The following CRK variants were observed in gnomAD, a reference collection of about 807,000 sequenced individuals.
CRK encodes the protein CRK proto-oncogene, adaptor protein.
A neutral mutation model predicts 29.8 loss-of-function variants in CRK; 4 were observed. That is an observed-to-expected ratio of 0.13 (90% CI 0.07 to 0.31). The LOEUF (loss-of-function observed/expected upper bound fraction) is 0.31, where lower values mean the gene tolerates loss of function less well. CRK is among the 10% of genes least tolerant of loss of function. CRK has a pLI of 1.00. For synonymous variants in CRK, 153 were observed against 164.9 expected (o/e 0.93, Z 0.55); for missense variants, 274 against 396.5 (o/e 0.69, Z 2.62).
At chr17:1,451,224 T>G (rs1344503831) in intron 1 of CRK, among the ~76,000 whole-genome samples, 2 of 135,010 alleles carry the variant, frequency 1.5e-5, no homozygotes, top group Non-Finnish European at 3.2e-5. Context: ...AATAACAATT[T>G]TAAAAAGCTT....
chr17:1,448,163 C>T (rs927216983), intron 1 of CRK, among the ~76,000 whole-genome samples: 2 of 151,656 alleles, frequency 1.3e-5, no homozygotes, highest in Non-Finnish European at 2.9e-5. Flanking sequence ...TATATGGTCT[C>T]CTAAGCAAAT....
chr17:1,446,043 A>G (rs571043748), intron 1 of CRK, among the ~76,000 whole-genome samples: 3 of 152,258 alleles, frequency 2.0e-5, no homozygotes, highest in African/African-American at 7.2e-5. Flanking sequence ...GATGACAGGC[A>G]TGAGCCACCG....
At chr17:1,447,213 G>A (rs2150911800) in intron 1 of CRK, among the ~76,000 whole-genome samples, 1 of 152,202 alleles carries the variant, frequency 6.6e-6, no homozygotes, top group Middle Eastern at 3.4e-3. Flanking sequence ...AGAAGGGCGG[G>A]AAAGGAAGGA....
intron 1 of CRK, among the ~76,000 whole-genome samples, chr17:1,444,198 A>C (rs1195491384): frequency 6.6e-6 from 1 of 152,038 alleles, no homozygotes; most frequent in Non-Finnish European, 1.5e-5. Context: ...CACAGACACC[A>C]TCACTGCACA....
chr17:1,440,255 C>T (rs1463400402), intron 1 of CRK, among the ~76,000 whole-genome samples: 3 of 151,062 alleles, frequency 2.0e-5, no homozygotes, highest in African/African-American at 4.9e-5. Flanking sequence ...GCCGAGATCG[C>T]GCCACTGCAC....
chr17:1,442,318 G>C (rs2073941509), intron 1 of CRK, among the ~76,000 whole-genome samples: 1 of 151,636 alleles, frequency 6.6e-6, no homozygotes, highest in Non-Finnish European at 1.5e-5. Context: ...CACCTGGCCA[G>C]TTTTTGTATT....
intron 2 of CRK, chr17:1,424,872 GGTGT>G (rs1251584287): frequency 6.6e-6 from 1 of 151,916 alleles, no homozygotes; most frequent in Admixed American, 6.6e-5. Context: ...AAATTAGCTG[GGTGT>G]GGTGGTGGCT....
At chr17:1,428,798 A>G (rs2073807385) in intron 2 of CRK, among the ~76,000 whole-genome samples, 1 of 151,576 alleles carries the variant, frequency 6.6e-6, no homozygotes, top group East Asian at 1.9e-4. Flanking sequence ...CTGGGATTAC[A>G]GGCGTGAGCC....
chr17:1,446,755 GT>G (rs1046658082), intron 1 of CRK, among the ~76,000 whole-genome samples: 1 of 150,180 alleles, frequency 6.7e-6, no homozygotes, highest in African/African-American at 2.4e-5. Context: ...CCACGCCCGG[GT>G]TTTTTTTTCT....
intron 2 of CRK, among the ~76,000 whole-genome samples, chr17:1,425,828 G>C (rs1318464313): frequency 1.3e-5 from 2 of 152,142 alleles, no homozygotes; most frequent in Non-Finnish European, 2.9e-5. Flanking sequence ...ATGGGTCATA[G>C]GATGCTGAGA....
intron 1 of CRK, among the ~76,000 whole-genome samples, chr17:1,443,655 T>A (rs991449386): frequency 1.1e-3 from 172 of 151,976 alleles, no homozygotes; most frequent in African/African-American, 3.9e-3. Flanking sequence ...CACCTCGGCC[T>A]CCTAAAGTGC....
chr17:1,449,604 A>C (rs959966336), intron 1 of CRK, among the ~76,000 whole-genome samples: 2 of 152,152 alleles, frequency 1.3e-5, no homozygotes, highest in Non-Finnish European at 2.9e-5. Flanking sequence ...CAGGATCCAC[A>C]GCTCAAGCTT....
chr17:1,427,548 A>T (rs1025642418), intron 2 of CRK, among the ~76,000 whole-genome samples: 1 of 151,064 alleles, frequency 6.6e-6, no homozygotes, highest in Non-Finnish European at 1.5e-5. Context: ...AGCCGAGATC[A>T]CGCCACTGCA....
At position 1,456,143 on chromosome 17, in the gene CRK, G is replaced by A. The variant is rs1019507621; in HGVS notation, c.-26C>T. On this transcript the variant is annotated 5_prime_UTR_variant, in exon 1 of 3. Transcript: ENST00000300574. ...GGCTGCCTCCGCGCCTAAACGCTGG[G>A]GTGCCGCCGCCGCGCGCGCCCCTCC... 17 of 1,467,350 alleles carry A rather than the reference G, an allele frequency of 1.2e-5. No homozygotes were observed. In the Admixed American group the frequency reaches 1.4e-4, roughly 12 times the overall value. 90.9% of individuals were successfully genotyped at this position (1,467,350 alleles called of 1,614,324 possible).
At chr17:1,431,000 G>A (rs573216060) in intron 2 of CRK, among the ~76,000 whole-genome samples, 11 of 152,096 alleles carry the variant, frequency 7.2e-5, no homozygotes, top group South Asian at 4.1e-4. Flanking sequence ...CCCTGGAGGC[G>A]GAGCTCGCAG....
intron 2 of CRK, 152 bp from the exon 3 acceptor site, chr17:1,423,802 G>T: frequency 1.1e-6 from 1 of 881,160 alleles, no homozygotes; most frequent in Non-Finnish European, 1.7e-6. Context: ...CCAGCCACCA[G>T]ACTGATTACT....
chr17:1,424,962 C>G (rs1424315962), intron 2 of CRK: 1 of 151,574 alleles, frequency 6.6e-6, no homozygotes, highest in Admixed American at 6.6e-5. Flanking sequence ...TGCAGTGAGC[C>G]GAGATCACAT....
At chr17:1,446,732 C>G (rs2073977893) in intron 1 of CRK, among the ~76,000 whole-genome samples, 1 of 151,912 alleles carries the variant, frequency 6.6e-6, no homozygotes. Flanking sequence ...GCTGGGACTA[C>G]AGGTGCCCGC....
At chr17:1,442,415 G>A (rs148076723) in intron 1 of CRK, among the ~76,000 whole-genome samples, 14 of 151,942 alleles carry the variant, frequency 9.2e-5, no homozygotes, top group Non-Finnish European at 2.1e-4. Context: ...GCCTCCCAGA[G>A]TACTGAGATT....
Sources: allele counts gnomAD v4.1 joint callset (sites outside exome capture counted in the v4.1 genomes callset), GRCh38; gene constraint gnomAD v4.1.1; transcripts MANE v1.5; gene names NCBI Gene and HGNC (gene_info 2026-07-23, HGNC 2026-07-21).